ALPK1: variants seen among roughly 807,000 people sequenced by gnomAD.
ALPK1 encodes alpha-protein kinase 1.
Under a neutral mutation model 120.6 loss-of-function variants are expected in ALPK1, and 110 were observed. The ratio of observed to expected loss-of-function variants is 0.91; its 90% CI spans 0.78 to 1.07. The LOEUF (loss-of-function observed/expected upper bound fraction) is 1.07. Among genes scored for constraint, ALPK1 ranks in the 50% least tolerant of loss-of-function variants. The pLI is 0.00. For missense variants in ALPK1, 1,498 were observed against 1,483.9 expected (o/e 1.01, Z -0.16); for synonymous variants, 582 against 560.3 (o/e 1.04, Z -0.55).
intron 2 of ALPK1, chr4:112,357,225 TG>T: frequency 6.6e-7 from 1 of 1,521,806 alleles, no homozygotes; most frequent in South Asian, 1.2e-5. Flanking sequence ...GGCTGCATCC[TG>T]GACTCACTGG....
chr4:112,310,327 T>A (rs1450074846), intron 1 of ALPK1, among the ~76,000 whole-genome samples: 1 of 152,124 alleles, frequency 6.6e-6, no homozygotes, highest in Non-Finnish European at 1.5e-5. Context: ...GGTTGTAACA[T>A]TTGAGAGGCT....
Position 112,432,065 on chromosome 4 carries a change from G to T in ALPK1, c.2518G>T (p.Ala840Ser), listed in dbSNP as rs891385943. The T allele has an allele frequency of 3.1e-6, 5 of 1,613,998 alleles. No individual in the cohort carries two copies. Among genetic ancestry groups the T allele is most frequent in the Non-Finnish European group, 3.4e-6 (4 of 1,179,930 alleles). The change falls in exon 11 of 16, where the codon GCA becomes TCA. Residue 840 changes from alanine to serine, a missense_variant. Ala to Ser is a moderately conservative substitution (Grantham distance 99). Transcript: ENST00000650871. The stretch of plus-strand genomic sequence containing the variant: ...CTCCAGAAAAAGTGGTGGCCCAGTC[G>T]CAGAGCAGGGCATCGACCCTGATGC... ...PDSRKSGGPV[A>S]EQGIDPDAST...
chr4:112,392,780 C>T (rs1426584411), intron 4 of ALPK1, among the ~76,000 whole-genome samples: 1 of 152,216 alleles, frequency 6.6e-6, no homozygotes, highest in Non-Finnish European at 1.5e-5. Context: ...ATCCACCTGC[C>T]TAGGCCTCCC....
At chr4:112,362,859 GA>G (rs1286790022) in intron 2 of ALPK1, among the ~76,000 whole-genome samples, 2 of 152,174 alleles carry the variant, frequency 1.3e-5, no homozygotes, top group Non-Finnish European at 1.5e-5. Context: ...ATCTGTTAAG[GA>G]AAACTTATCA....
In ALPK1 at chr4:112,430,998, C is replaced by CA. The variant is rs1560686124; in HGVS notation, c.1456dup (p.Thr486AsnfsTer40). On this transcript the variant is annotated frameshift_variant, in exon 11 of 16. Coordinates refer to ENST00000650871, the MANE Select transcript of ALPK1 (RefSeq NM_025144.4). LOFTEE classifies it high-confidence loss of function. ...AACAACAAAAATGAACAGAAAGATG[C>CA]AAAAACAGGAGTCTGCATCACTGCT... The CA allele has an allele frequency of 6.2e-7, 1 of 1,611,878 alleles. No individual in the cohort carries two copies. The highest frequency in any genetic ancestry group is 1.1e-5 in the South Asian group (1 of 90,760).
intron 5 of ALPK1, among the ~76,000 whole-genome samples, chr4:112,418,005 G>T (rs6829461): frequency 0.46 from 69,732 of 151,972 alleles, 16,095 homozygotes; most frequent in East Asian, 0.71. Context: ...TATTTCAGGG[G>T]ATTAGAGTAA....
At chr4:112,335,021 G>A (rs1578474651) in intron 2 of ALPK1, among the ~76,000 whole-genome samples, 1 of 152,172 alleles carries the variant, frequency 6.6e-6, no homozygotes, top group African/African-American at 2.4e-5. Flanking sequence ...CACTTGGGAG[G>A]CCGAGGAGGG....
chr4:112,392,330 C>T (rs547569365), intron 4 of ALPK1, among the ~76,000 whole-genome samples: 14 of 152,140 alleles, frequency 9.2e-5, no homozygotes, highest in Non-Finnish European at 1.8e-4. Flanking sequence ...AAGACCTTGG[C>T]TTTAACTTCC....
rs1734115938 is a variant in ALPK1 at position 112,423,941 on chromosome 4, C to T, written c.476-3C>T. 1 of 1,613,828 alleles carries T rather than the reference C, an allele frequency of 6.2e-7. No individual in the cohort carries two copies. On this transcript the variant is annotated splice_region_variant and splice_polypyrimidine_tract_variant and intron_variant, in intron 5 of 15. Coordinates refer to ENST00000650871, the MANE Select transcript of ALPK1 (RefSeq NM_025144.4). ...TGTGTGGCATTTGGTTGCTGCTTTT[C>T]AGGAAAACTTTTAAAAGCAGAGTAT...
Position 112,426,559 on chromosome 4 carries a change from C to G in ALPK1, c.699+16C>G. 2.0e-6 allele frequency: 3 copies of G among 1,514,188 alleles called. No homozygotes were observed. The highest frequency in any genetic ancestry group is 1.8e-6 in the Non-Finnish European group (2 of 1,133,670). The allele number at this position is 1,514,188 out of a possible 1,614,324, so 93.8% of individuals were successfully genotyped here. A position where few individuals can be genotyped will look rare whatever the true frequency, so the allele number is the denominator to read the frequency against. On this transcript the variant is annotated intron_variant, in intron 8 of 15. Transcript: ENST00000650871. ...GGATAAAAAGGTGGTTTGTCTAGTG[C>G]TTCTTTTTCTCCTTTCCTGTATTTG...
chr4:112,417,645 C>G (rs1733802578), intron 5 of ALPK1, among the ~76,000 whole-genome samples: 1 of 152,080 alleles, frequency 6.6e-6, no homozygotes, highest in Non-Finnish European at 1.5e-5. Flanking sequence ...GCCACCATGC[C>G]CAGCTAACTT....
At chr4:112,385,529 C>A (rs750601723) in intron 4 of ALPK1, among the ~76,000 whole-genome samples, 1 of 152,082 alleles carries the variant, frequency 6.6e-6, no homozygotes, top group Non-Finnish European at 1.5e-5. Flanking sequence ...ATTAAGCAAC[C>A]GCACCTCCTA....
intron 3 of ALPK1, among the ~76,000 whole-genome samples, chr4:112,382,080 T>C (rs1249830034): frequency 2.0e-5 from 3 of 152,186 alleles, no homozygotes; most frequent in Non-Finnish European, 4.4e-5. Context: ...AATATTTCCT[T>C]CATTCCTTTC....
At chr4:112,389,555 A>C (rs1732312075) in intron 4 of ALPK1, among the ~76,000 whole-genome samples, 2 of 152,238 alleles carry the variant, frequency 1.3e-5, no homozygotes, top group Non-Finnish European at 2.9e-5. Flanking sequence ...GGTCCCCTAG[A>C]TAAGATAGCA....
intron 1 of ALPK1, among the ~76,000 whole-genome samples, chr4:112,300,356 C>A (rs1000419427): frequency 2.0e-5 from 3 of 151,666 alleles, no homozygotes; most frequent in African/African-American, 7.3e-5. Flanking sequence ...GATATTCTTA[C>A]AAAAAATTTT....
intron 2 of ALPK1, among the ~76,000 whole-genome samples, chr4:112,340,108 C>A (rs1027892730): frequency 1.3e-5 from 2 of 152,206 alleles, no homozygotes; most frequent in African/African-American, 2.4e-5. Flanking sequence ...GACAGACACA[C>A]AAGAGAACTC....
At chr4:112,396,016 A>T (rs1481888692) in intron 4 of ALPK1, among the ~76,000 whole-genome samples, 6 of 152,158 alleles carry the variant, frequency 3.9e-5, no homozygotes, top group Non-Finnish European at 8.8e-5. Context: ...CTTCATTTGG[A>T]ACATTTTTTT....
intron 2 of ALPK1, among the ~76,000 whole-genome samples, chr4:112,338,785 C>G (rs943772507): frequency 1.3e-5 from 2 of 152,194 alleles, no homozygotes; most frequent in South Asian, 4.1e-4. Flanking sequence ...AGGAAGATGG[C>G]ATGACAACTA....
intron 2 of ALPK1, among the ~76,000 whole-genome samples, chr4:112,346,094 C>T (rs931200092): frequency 3.9e-5 from 6 of 152,222 alleles, no homozygotes; most frequent in Non-Finnish European, 8.8e-5. Flanking sequence ...AACTCCCAAC[C>T]TCAGGTGATC....
Sources: gnomAD v4.1 joint callset for allele counts (sites outside exome capture counted in the v4.1 genomes callset) on GRCh38, gnomAD v4.1.1 for gene constraint, MANE v1.5 for transcripts, NCBI Gene and HGNC (gene_info 2026-07-23, HGNC 2026-07-21) for gene names.